The following TMCC1 variants were observed in gnomAD, a reference collection of about 807,000 sequenced individuals.
TMCC1 encodes transmembrane and coiled-coil domain family 1.
A neutral mutation model predicts 52.4 loss-of-function variants in TMCC1; 15 were observed. The observed-to-expected ratio is 0.29, with a 90% CI of 0.19 to 0.44. The LOEUF (loss-of-function observed/expected upper bound fraction) is 0.44. TMCC1 is among the 20% of genes least tolerant of loss of function. The probability of loss-of-function intolerance (pLI) is 1.00; values close to 1 mark genes in which losing one functional copy is unlikely to be tolerated. For synonymous variants in TMCC1, 279 were observed against 301.9 expected, an observed-to-expected ratio of 0.92 and a Z score of 0.79; for missense variants, 503 against 806.0, an observed-to-expected ratio of 0.62 and a Z score of 4.55.
chr3:129,844,301 G>A (rs1027050667), intron 2 of TMCC1, among the ~76,000 whole-genome samples: 1 of 151,952 alleles, frequency 6.6e-6, no homozygotes, highest in Admixed American at 6.6e-5. Context: ...TAATATTATA[G>A]GTGGAAAAAC....
At chr3:129,865,287 C>T (rs1163668947) in intron 2 of TMCC1, among the ~76,000 whole-genome samples, 4 of 151,918 alleles carry the variant, frequency 2.6e-5, no homozygotes, top group Non-Finnish European at 5.9e-5. Context: ...TCAGCTCCCA[C>T]TGGAAGTACA....
At chr3:129,791,033 A>G (rs1274748540) in intron 4 of TMCC1, among the ~76,000 whole-genome samples, 2 of 152,184 alleles carry the variant, frequency 1.3e-5, no homozygotes, top group Non-Finnish European at 2.9e-5. Context: ...TCTATCGTAG[A>G]TAAACATAGA....
At chr3:129,867,418 A>G (rs919053161) in intron 2 of TMCC1, among the ~76,000 whole-genome samples, 2 of 152,162 alleles carry the variant, frequency 1.3e-5, no homozygotes, top group African/African-American at 4.8e-5. Context: ...TTATATTTCC[A>G]TAATACAAAC....
chr3:129,768,329 A>C (rs1464452418), intron 4 of TMCC1, among the ~76,000 whole-genome samples: 1 of 152,220 alleles, frequency 6.6e-6, no homozygotes, highest in Non-Finnish European at 1.5e-5. Flanking sequence ...GGAGTCCCTA[A>C]ATCCAAACAA....
intron 4 of TMCC1, among the ~76,000 whole-genome samples, chr3:129,752,366 C>A (rs759958708): frequency 1.8e-4 from 28 of 152,114 alleles, no homozygotes; most frequent in Non-Finnish European, 2.9e-5. Context: ...AAACCAAAAT[C>A]TAAATAGTCA....
intron 4 of TMCC1, among the ~76,000 whole-genome samples, chr3:129,811,132 A>C (rs1425081110): frequency 1.3e-5 from 2 of 152,184 alleles, no homozygotes; most frequent in Non-Finnish European, 2.9e-5. Flanking sequence ...TATTCCTCAG[A>C]GCATCCACAT....
chr3:129,733,527 T>C (rs2050710141), intron 4 of TMCC1, among the ~76,000 whole-genome samples: 1 of 152,218 alleles, frequency 6.6e-6, no homozygotes, highest in African/African-American at 2.4e-5. Flanking sequence ...GGACATTTCA[T>C]TCTTTCATGC....
At chr3:129,766,390 G>A (rs2054131771) in intron 4 of TMCC1, among the ~76,000 whole-genome samples, 1 of 152,108 alleles carries the variant, frequency 6.6e-6, no homozygotes, top group Non-Finnish European at 1.5e-5. Flanking sequence ...TATTGCATTT[G>A]TAAGGCTCTG....
chr3:129,802,575 C>A (rs1309610061), intron 4 of TMCC1, among the ~76,000 whole-genome samples: 3 of 152,186 alleles, frequency 2.0e-5, no homozygotes, highest in Admixed American at 6.5e-5. Context: ...CCACTGCACT[C>A]CAGCCTGGGT....
At chr3:129,796,265 T>C (rs1357574013) in intron 4 of TMCC1, among the ~76,000 whole-genome samples, 1 of 152,216 alleles carries the variant, frequency 6.6e-6, no homozygotes, top group Non-Finnish European at 1.5e-5. Context: ...GGCTATACCA[T>C]ATAGCCGAGG....
chr3:129,666,759 A>C (rs567934661), intron 5 of TMCC1, among the ~76,000 whole-genome samples: 5 of 150,648 alleles, frequency 3.3e-5, no homozygotes, highest in African/African-American at 1.2e-4. Context: ...AAGAACAAAA[A>C]AACAAAAAGA....
At chr3:129,760,809 G>A (rs1413946701) in intron 4 of TMCC1, among the ~76,000 whole-genome samples, 2 of 151,224 alleles carry the variant, frequency 1.3e-5, no homozygotes, top group Non-Finnish European at 3.0e-5. Context: ...AAGGGGTTTC[G>A]CCATGTTGCC....
intron 2 of TMCC1, among the ~76,000 whole-genome samples, chr3:129,852,203 C>T (rs1271980719): frequency 6.6e-6 from 1 of 151,354 alleles, no homozygotes; most frequent in Non-Finnish European, 1.5e-5. Context: ...ATGCCTGTAA[C>T]CTCAACACTT....
intron 2 of TMCC1, among the ~76,000 whole-genome samples, chr3:129,863,125 G>A (rs924429380): frequency 2.6e-5 from 4 of 152,104 alleles, no homozygotes; most frequent in African/African-American, 9.7e-5. Flanking sequence ...TTACTAGGGG[G>A]ATAAAAATGT....
chr3:129,741,121 C>T (rs921321325), intron 4 of TMCC1, among the ~76,000 whole-genome samples: 3 of 152,106 alleles, frequency 2.0e-5, no homozygotes, highest in Non-Finnish European at 4.4e-5. Flanking sequence ...AAGCAAAAAT[C>T]ATGGTGATAT....
chr3:129,880,801 T>TA (rs1223188308), intron 1 of TMCC1, among the ~76,000 whole-genome samples: 3 of 150,616 alleles, frequency 2.0e-5, no homozygotes, highest in African/African-American at 2.4e-5. Flanking sequence ...TTCCAAAATC[T>TA]AAAAAAAATC....
At chr3:129,652,127 A>G (rs1376748750) in intron 6 of TMCC1, among the ~76,000 whole-genome samples, 2 of 152,196 alleles carry the variant, frequency 1.3e-5, no homozygotes, top group Non-Finnish European at 2.9e-5. Context: ...CACAGAATAT[A>G]TTTGTTCAAC....
chr3:129,778,504 T>C (rs2055225998), intron 4 of TMCC1, among the ~76,000 whole-genome samples: 1 of 152,200 alleles, frequency 6.6e-6, no homozygotes, highest in Non-Finnish European at 1.5e-5. Context: ...TCCAGAATAA[T>C]TACAAAAAGT....
intron 2 of TMCC1, among the ~76,000 whole-genome samples, chr3:129,877,616 C>G (rs1444778182): frequency 6.6e-6 from 1 of 151,252 alleles, no homozygotes; most frequent in Non-Finnish European, 1.5e-5. Context: ...TACTCAACAT[C>G]CCTAAGTCTT....
Sources: gnomAD v4.1 joint callset for allele counts (sites outside exome capture counted in the v4.1 genomes callset) on GRCh38, gnomAD v4.1.1 for gene constraint, MANE v1.5 for transcripts, NCBI Gene and HGNC (gene_info 2026-07-23, HGNC 2026-07-21) for gene names.